The following BICRA variants were observed in gnomAD, a reference collection of about 807,000 sequenced individuals.
BICRA encodes the protein BRD4 interacting chromatin remodeling complex associated protein, also known as BRD4-interacting chromatin-remodeling complex-associated protein.
In BICRA, 31 loss-of-function variants were observed where a neutral mutation model predicts 96.9. The observed-to-expected ratio is 0.32, with a 90% CI of 0.24 to 0.43. The LOEUF is 0.43. BICRA is among the 20% of genes least tolerant of loss of function. The probability of loss-of-function intolerance (pLI) is 1.00; values close to 1 mark genes in which losing one functional copy is unlikely to be tolerated. For synonymous variants in BICRA, 1,350 were observed against 1,071.8 expected, an observed-to-expected ratio of 1.26 and a Z score of -5.07; for missense variants, 2,283 against 2,190.3, an observed-to-expected ratio of 1.04 and a Z score of -0.84.
chr19:47,670,408 TCTCA>T (rs1421836608), intron 1 of BICRA, 31 bp from the exon 2 acceptor site: 3 of 152,286 alleles, frequency 2.0e-5, no homozygotes, highest in African/African-American at 7.2e-5. Flanking sequence ...TCGCTGACTT[TCTCA>T]CTCACTGTCT....
chr19:47,667,444 T>TC (rs1253411806), intron 1 of BICRA, among the ~76,000 whole-genome samples: 4 of 152,096 alleles, frequency 2.6e-5, no homozygotes, highest in Admixed American at 6.5e-5. Context: ...GGGAGCTGCA[T>TC]CCCCTCCTGT....
At chr19:47,628,627 C>T (rs1211902094) in intron 1 of BICRA, among the ~76,000 whole-genome samples, 2 of 152,250 alleles carry the variant, frequency 1.3e-5, no homozygotes, top group East Asian at 3.9e-4. Context: ...GTTTGGGGCT[C>T]ATGGTCTCTC....
intron 1 of BICRA, among the ~76,000 whole-genome samples, chr19:47,666,462 A>T (rs1972780898): frequency 1.3e-5 from 2 of 151,840 alleles, no homozygotes; most frequent in African/African-American, 4.8e-5. Flanking sequence ...ATTTTAGTAG[A>T]GACAAGGTTT....
chr19:47,633,272 G>C (rs1368406404), intron 1 of BICRA, among the ~76,000 whole-genome samples: 1 of 151,800 alleles, frequency 6.6e-6, no homozygotes, highest in Non-Finnish European at 1.5e-5. Context: ...TAGAGACGGG[G>C]TTTCACCATG....
intron 10 of BICRA, among the ~76,000 whole-genome samples, chr19:47,696,175 G>C (rs1038815230): frequency 9.2e-5 from 14 of 152,256 alleles, no homozygotes; most frequent in Admixed American, 3.3e-4. Context: ...AGGTCACACA[G>C]AGGCAGCCCT....
intron 1 of BICRA, among the ~76,000 whole-genome samples, chr19:47,610,399 G>C (rs376344364): frequency 6.0e-4 from 92 of 152,308 alleles, no homozygotes; most frequent in African/African-American, 1.8e-3. Flanking sequence ...GGCGGTGATT[G>C]GGAGGCACTG....
intron 1 of BICRA, among the ~76,000 whole-genome samples, chr19:47,660,515 T>TA (rs1395491603): frequency 6.6e-6 from 1 of 152,202 alleles, no homozygotes; most frequent in Non-Finnish European, 1.5e-5. Flanking sequence ...GCCTTGGAAA[T>TA]ACATCCTAAG....
intron 1 of BICRA, among the ~76,000 whole-genome samples, chr19:47,645,725 CTTCCTTCTGATT>C: frequency 6.6e-6 from 1 of 152,328 alleles, no homozygotes; most frequent in Middle Eastern, 3.4e-3. Context: ...TCCTTCTGAT[CTTCCTTCTGATT>C]GGCTCTTCCT....
intron 1 of BICRA, among the ~76,000 whole-genome samples, chr19:47,651,861 A>G (rs181130680): frequency 2.0e-4 from 30 of 152,316 alleles, no homozygotes; most frequent in African/African-American, 7.0e-4. Context: ...CTTTGAGCCA[A>G]CCAGCGTTGG....
intron 1 of BICRA, among the ~76,000 whole-genome samples, chr19:47,628,596 C>T (rs778317493): frequency 3.3e-5 from 5 of 152,108 alleles, no homozygotes; most frequent in Non-Finnish European, 7.4e-5. Context: ...TTTCCTTTTC[C>T]AAAGGTGACC....
At chr19:47,634,918 A>G (rs1230537289) in intron 1 of BICRA, among the ~76,000 whole-genome samples, 2 of 151,586 alleles carry the variant, frequency 1.3e-5, no homozygotes, top group Non-Finnish European at 2.9e-5. Context: ...ACCCGCCACC[A>G]TGCCTGGTTA....
chr19:47,634,355 G>T (rs898645415), intron 1 of BICRA, among the ~76,000 whole-genome samples: 8 of 152,342 alleles, frequency 5.3e-5, no homozygotes, highest in Non-Finnish European at 8.8e-5. Flanking sequence ...GTGGGACCAG[G>T]AGGAGGCCAT....
chr19:47,694,092 C>G (rs1333670749), intron 7 of BICRA, 23 bp from the exon 8 acceptor site: 21 of 1,408,948 alleles, frequency 1.5e-5, no homozygotes, highest in Non-Finnish European at 1.9e-5. Context: ...CGCCCCTCCC[C>G]TCTCCCTCCC....
intron 7 of BICRA, among the ~76,000 whole-genome samples, chr19:47,685,951 T>G (rs986894183): frequency 6.6e-5 from 10 of 151,790 alleles, no homozygotes; most frequent in African/African-American, 9.7e-5. Context: ...GAATTTGTTT[T>G]TTTTTTTTTT....
intron 1 of BICRA, among the ~76,000 whole-genome samples, chr19:47,655,357 G>A (rs561877481): frequency 1.2e-3 from 165 of 143,248 alleles, no homozygotes; most frequent in Middle Eastern, 3.9e-3. Flanking sequence ...GAAACCCTGG[G>A]TCTACTAAAA....
intron 2 of BICRA, among the ~76,000 whole-genome samples, chr19:47,672,119 G>GATGGGTAGGTGGATGGAAGGATGGAGC (rs1972874917): frequency 7.5e-6 from 1 of 133,006 alleles, no homozygotes; most frequent in African/African-American, 3.0e-5. Context: ...AAGGATGGAG[G>GATGGGTAGGTGGATGGAAGGATGGAGC]ATGGGTAGGT....
chr19:47,702,843 A>T lies in BICRA; in HGVS notation c.*428A>T, dbSNP rs986514882. 5.5e-6 allele frequency: 1 copy of T among 183,416 alleles called. No homozygotes were observed. Among genetic ancestry groups the T allele is most frequent in the Non-Finnish European group, 1.1e-5 (1 of 89,584 alleles). 11.4% of individuals were successfully genotyped at this position (183,416 alleles called of 1,614,324 possible). ...GGGAGCTGGCAGGGTCCTTCCAGAC[A>T]GTCTCAGCCTCTCCCCGCCGCCCCC... On this transcript the variant is annotated 3_prime_UTR_variant, in exon 15 of 15. Coordinates refer to ENST00000594866, the MANE Select transcript of BICRA (RefSeq NM_001394372.1).
intron 6 of BICRA, among the ~76,000 whole-genome samples, chr19:47,681,490 A>G (rs1230164607): frequency 6.6e-6 from 1 of 152,154 alleles, no homozygotes; most frequent in Non-Finnish European, 1.5e-5. Flanking sequence ...AGGTTGGCTG[A>G]CTGATAGACA....
Position 47,620,355 on chromosome 19 carries a change from C to G in BICRA, c.-108+11187C>G, listed in dbSNP as rs567202995. ...GAGCAGAGACCCTGTCTTTGGAGTT[C>G]CTGTGTGTTTCTCAAAAAGTGTCCC... On this transcript the variant is annotated intron_variant, in intron 1 of 14. Coordinates refer to ENST00000594866, the MANE Select transcript of BICRA (RefSeq NM_001394372.1). 3.3e-5 allele frequency among the ~76,000 whole-genome samples: 5 copies of G among 151,952 alleles called. No individual in the cohort carries two copies. In the East Asian group the frequency reaches 9.7e-4, roughly 29 times the overall value.
Sources: gnomAD v4.1 joint callset for allele counts (sites outside exome capture counted in the v4.1 genomes callset) on GRCh38, gnomAD v4.1.1 for gene constraint, MANE v1.5 for transcripts, NCBI Gene and HGNC (gene_info 2026-07-23, HGNC 2026-07-21) for gene names.